Variants in EP300 observed in about 807,000 individuals in gnomAD.
EP300 encodes EP300 lysine acetyltransferase.
A neutral mutation model predicts 264.0 loss-of-function variants in EP300; 31 were observed. The ratio of observed to expected loss-of-function variants is 0.12; its 90% CI spans 0.09 to 0.16. EP300 has a LOEUF of 0.16. Among genes scored for constraint, EP300 ranks in the 10% least tolerant of loss-of-function variants. The probability of loss-of-function intolerance (pLI) is 1.00; values close to 1 mark genes in which losing one functional copy is unlikely to be tolerated. For missense variants in EP300, 2,766 were observed against 3,052.9 expected (o/e 0.91, Z 2.21); for synonymous variants, 1,340 against 1,045.4 (o/e 1.28, Z -5.44).
Position 41,157,355 on chromosome 22 carries a change from G to T in EP300, c.3448G>T (p.Glu1150Ter). The change falls in exon 18 of 31, where the codon GAA becomes TAA. Residue 1150 changes from glutamate to a stop codon, truncating the protein, a stop_gained. Coordinates refer to ENST00000263253, the MANE Select transcript of EP300 (RefSeq NM_001429.4). LOFTEE classifies it high-confidence loss of function. ...CTGCTCCAAGCTCTCTGAGGTCTTT[G>T]AACAAGAAATTGACCCAGTGATGCA... is the stretch of plus-strand genomic sequence containing the variant. ...KYCSKLSEVF[E>*]QEIDPVMQSL... 1 of 1,614,074 alleles carries T rather than the reference G, an allele frequency of 6.2e-7. No homozygotes were observed. The highest frequency in any genetic ancestry group is 1.1e-5 in the South Asian group (1 of 91,068).
In EP300 at chr22:41,149,830, A is replaced by G; in HGVS notation, c.2449A>G (p.Ile817Val). ...GCCTCCAGGGTCTCAGGGGAGCCAC[A>G]TTCACTGTCCCCAGCTTCCTCAACC... is the stretch of plus-strand genomic sequence containing the variant. ...IMPPGSQGSH[I>V]HCPQLPQPAL... is the part of the protein sequence containing the mutation. The change falls in exon 14 of 31, where the codon ATT (isoleucine) becomes GTT (valine). Residue 817 changes from isoleucine to valine, a missense_variant. Ile to Val is a conservative substitution (Grantham distance 29). Transcript: ENST00000263253. 1 of 1,614,040 alleles carries G rather than the reference A, an allele frequency of 6.2e-7. No individual in the cohort carries two copies. Among genetic ancestry groups the G allele is most frequent in the East Asian group, 2.2e-5 (1 of 44,874 alleles).
chr22:41,093,305 A>G (rs1364397662), intron 1 of EP300, among the ~76,000 whole-genome samples: 2 of 152,122 alleles, frequency 1.3e-5, no homozygotes, highest in African/African-American at 2.4e-5. Flanking sequence ...ACACTATGTC[A>G]TATCGGTGTG....
chr22:41,131,376 T>G lies in EP300; in HGVS notation c.1283-12T>G. 1 of 1,613,286 alleles carries G rather than the reference T, an allele frequency of 6.2e-7. No homozygotes were observed. The highest frequency in any genetic ancestry group is 1.8e-4 in the Middle Eastern group (1 of 5,444). On this transcript the variant is annotated splice_polypyrimidine_tract_variant and intron_variant, in intron 5 of 30. Transcript: ENST00000263253. ...CATTAATTTGTAATACTATATCTTT[T>G]GTCTTCTCTAGCAATTTTGACTGGA...
chr22:41,133,389 G>A (rs1159706944), intron 6 of EP300, among the ~76,000 whole-genome samples: 1 of 151,656 alleles, frequency 6.6e-6, no homozygotes, highest in Non-Finnish European at 1.5e-5. Context: ...GACCTCAGGT[G>A]ATCTGCCTGC....
intron 29 of EP300, among the ~76,000 whole-genome samples, chr22:41,174,364 G>T (rs936141585): frequency 2.6e-5 from 4 of 152,174 alleles, no homozygotes; most frequent in African/African-American, 9.7e-5. Context: ...GGGAGGCAGA[G>T]GTTGCAGTGC....
intron 1 of EP300, among the ~76,000 whole-genome samples, chr22:41,093,832 GAA>G (rs993913283): frequency 6.6e-5 from 10 of 152,180 alleles, no homozygotes; most frequent in Non-Finnish European, 1.3e-4. Flanking sequence ...CATTTTAGGG[GAA>G]ATAAGATAAA....
chr22:41,131,118 A>G (rs981686155), intron 5 of EP300, among the ~76,000 whole-genome samples: 8 of 152,206 alleles, frequency 5.3e-5, no homozygotes, highest in African/African-American at 1.9e-4. Flanking sequence ...GCTCCAAAGC[A>G]TTCATACAGT....
intron 3 of EP300, among the ~76,000 whole-genome samples, chr22:41,126,685 T>C (rs983207797): frequency 1.3e-5 from 2 of 148,408 alleles, no homozygotes; most frequent in African/African-American, 4.9e-5. Flanking sequence ...ACTGGAGTTA[T>C]ACAGATGAAT....
chr22:41,149,958 T>C lies in EP300; in HGVS notation c.2577T>C (p.Ile859=), dbSNP rs1555909487. The change falls in exon 14 of 31, where the codon ATT becomes ATC. Residue 859 remains isoleucine, a synonymous_variant. Transcript: ENST00000263253. ...CTCAGCAGCCACCAGCAACAACAAT[T>C]CCAGCCCCTGTTCCTACACCTCCTG... ...IGAQQPPATT[I]PAPVPTPPAM... 1 of 1,613,424 alleles carries C rather than the reference T, an allele frequency of 6.2e-7. No homozygotes were observed. Among genetic ancestry groups the C allele is most frequent in the Non-Finnish European group, 8.5e-7 (1 of 1,179,900 alleles).
Position 41,177,669 on chromosome 22 carries a change from G to A in EP300, c.5958G>A (p.Pro1986=), listed in dbSNP as rs147863486. The part of the protein sequence containing the change: ...PSGHLEPGMG[P]TGMQQQPPWS... ...GGCATTTGGAGCCAGGGATGGGACC[G>A]ACAGGGATGCAGCAACAGCCACCCT... is the stretch of plus-strand genomic sequence containing the variant. Residue 1986 remains proline, a synonymous_variant, in exon 31 of 31, where the codon CCG becomes CCA. Coordinates refer to ENST00000263253, the MANE Select transcript of EP300 (RefSeq NM_001429.4). 2.4e-5 allele frequency: 38 copies of A among 1,613,784 alleles called. No individual in the cohort carries two copies. The highest frequency in any genetic ancestry group is 1.3e-4 in the Admixed American group (8 of 60,008).
intron 15 of EP300, 67 bp downstream of exon 15, chr22:41,152,079 AT>A (rs904396967): frequency 1.2e-6 from 2 of 1,601,662 alleles, no homozygotes; most frequent in Admixed American, 3.3e-5. Context: ...GTTTTAAAAA[AT>A]ATTGCAGAAA....
chr22:41,124,076 C>T (rs79736421), intron 2 of EP300, among the ~76,000 whole-genome samples: 7 of 152,122 alleles, frequency 4.6e-5, no homozygotes, highest in African/African-American at 1.2e-4. Flanking sequence ...GGCGAAACCC[C>T]GTCTCGACTG....
At chr22:41,140,358 G>C in intron 9 of EP300, 101 bp downstream of exon 9, 2 of 843,004 alleles carry the variant, frequency 2.4e-6, no homozygotes, top group Non-Finnish European at 4.2e-6. Context: ...CTTCAGACGG[G>C]GGACACGCTG....
Position 41,117,726 on chromosome 22 carries a change from A to T in EP300, c.634A>T (p.Met212Leu), listed in dbSNP as rs753081561. 6.2e-7 allele frequency: 1 copy of T among 1,614,244 alleles called. No individual in the cohort carries two copies. Among genetic ancestry groups the T allele is most frequent in the South Asian group, 1.1e-5 (1 of 91,084 alleles). ...RQNMQYPNPGMGSAGNLLTEP... is the reference protein window; with the variant it reads ...RQNMQYPNPGLGSAGNLLTEP... Reference sequence around the variant, plus strand: ...GAATATGCAGTACCCAAACCCAGGCATGGGAAGTGCTGGCAACTTACTGAC... The same window carrying T: ...GAATATGCAGTACCCAAACCCAGGCTTGGGAAGTGCTGGCAACTTACTGAC... Residue 212 changes from methionine (M) to leucine (L), a missense_variant, in exon 2 of 31, where the codon ATG (methionine) becomes TTG (leucine). Transcript: ENST00000263253.
intron 6 of EP300, among the ~76,000 whole-genome samples, chr22:41,134,727 T>C (rs1364613472): frequency 1.3e-5 from 2 of 152,172 alleles, no homozygotes; most frequent in Non-Finnish European, 2.9e-5. Context: ...AGTGACGAGT[T>C]TTTAAGCAGG....
rs111489369 is a variant in EP300, at chr22:41,178,680, C to G, written c.6969C>G (p.Pro2323=). Residue 2323 remains proline, a synonymous_variant, in exon 31 of 31, where the codon CCC becomes CCG. Coordinates refer to ENST00000263253, the MANE Select transcript of EP300 (RefSeq NM_001429.4). The stretch of plus-strand genomic sequence containing the variant: ...CTCCACGGCCACAGTCCCAGCCCCC[C>G]CACTCCAGTCCTTCCCCAAGGATGC... The part of the protein sequence containing the change: ...VPSPRPQSQP[P]HSSPSPRMQP... The G allele has an allele frequency of 1.0e-3, 1,679 of 1,614,186 alleles. 3 individuals carry two copies. The highest frequency in any genetic ancestry group is 1.3e-3 in the Non-Finnish European group (1,507 of 1,180,040).
intron 16 of EP300, among the ~76,000 whole-genome samples, chr22:41,153,874 A>G (rs1601622592): frequency 6.6e-6 from 1 of 151,996 alleles, no homozygotes; most frequent in Admixed American, 6.6e-5. Flanking sequence ...CTCCATGGCA[A>G]CCCCCCAGAG....
Position 41,179,798 on chromosome 22 carries a change from C to G in EP300, c.*842C>G. 2 of 227,222 alleles carry G rather than the reference C, an allele frequency of 8.8e-6. No individual in the cohort carries two copies. The highest frequency in any genetic ancestry group is 1.7e-5 in the Non-Finnish European group (2 of 114,490). The allele number at this position is 227,222 out of a possible 1,614,324, so 14.1% of individuals were successfully genotyped here. Reference sequence around the variant, plus strand: ...ATTAAAAAGAGGGTAAGAAACGATTCCGGTGGGATGATTTTAACATGCAAA... The same window carrying G: ...ATTAAAAAGAGGGTAAGAAACGATTGCGGTGGGATGATTTTAACATGCAAA... On this transcript the variant is annotated 3_prime_UTR_variant, in exon 31 of 31. Transcript: ENST00000263253.
At chr22:41,123,698 G>T (rs976388598) in intron 2 of EP300, among the ~76,000 whole-genome samples, 1 of 152,188 alleles carries the variant, frequency 6.6e-6, no homozygotes, top group African/African-American at 2.4e-5. Flanking sequence ...TAGTAGTGAT[G>T]ATGACTTGTA....
Sources: gnomAD v4.1 joint callset for allele counts (sites outside exome capture counted in the v4.1 genomes callset) on GRCh38, gnomAD v4.1.1 for gene constraint, MANE v1.5 for transcripts, NCBI Gene and HGNC (gene_info 2026-07-23, HGNC 2026-07-21) for gene names.